Variants in PRDM5 observed in about 807,000 individuals in gnomAD.
PRDM5 encodes the protein PR domain zinc finger protein 5.
PRDM5 carries 56 observed loss-of-function variants against 81.2 expected under a neutral mutation model. The ratio of observed to expected loss-of-function variants is 0.69; its 90% CI spans 0.56 to 0.86. PRDM5 has a LOEUF of 0.86. Ranked by LOEUF, PRDM5 falls within the 40% of genes least tolerant of loss-of-function variation. The probability of loss-of-function intolerance (pLI) is 0.00; values close to 1 mark genes in which losing one functional copy is unlikely to be tolerated. For synonymous variants in PRDM5, 267 were observed against 256.4 expected (o/e 1.04, Z -0.39); for missense variants, 697 against 770.1 (o/e 0.91, Z 1.12).
chr4:120,821,759 C>T (rs1256905761), intron 3 of PRDM5, among the ~76,000 whole-genome samples: 1 of 151,286 alleles, frequency 6.6e-6, no homozygotes, highest in African/African-American at 2.4e-5. Context: ...AAAAAAAAGC[C>T]TTTCAAGTTC....
chr4:120,841,659 A>G (rs1188516278), intron 3 of PRDM5, among the ~76,000 whole-genome samples: 5 of 152,216 alleles, frequency 3.3e-5, no homozygotes, highest in African/African-American at 1.2e-4. Flanking sequence ...AACAAGTAGT[A>G]TATGTGCTTA....
At chr4:120,701,659 G>T (rs1042907133) in intron 15 of PRDM5, among the ~76,000 whole-genome samples, 2 of 152,086 alleles carry the variant, frequency 1.3e-5, no homozygotes, top group African/African-American at 4.8e-5. Context: ...AGCGACTGGG[G>T]ACTAGTAGAG....
intron 3 of PRDM5, among the ~76,000 whole-genome samples, chr4:120,847,684 C>G (rs939381732): frequency 6.6e-6 from 1 of 152,080 alleles, no homozygotes; most frequent in African/African-American, 2.4e-5. Context: ...TGTTACATAA[C>G]GATGGATAAC....
At chr4:120,863,191 TACACACACAC>T (rs370387683) in intron 2 of PRDM5, among the ~76,000 whole-genome samples, 9 of 70,320 alleles carry the variant, frequency 1.3e-4, no homozygotes, top group African/African-American at 4.1e-4. Flanking sequence ...TATATATATA[TACACACACAC>T]ACACACACAC....
rs772908675 is a variant in PRDM5 at position 120,777,322 on chromosome 4, G to T, written c.1444-41C>A. The T allele has an allele frequency of 3.1e-6, 5 of 1,612,226 alleles. No homozygotes were observed. The South Asian group carries it at 4.4e-5, about 14-fold the overall frequency. The stretch of plus-strand genomic sequence containing the variant: ...TAAAAAGGCTAAGGATAAATACAAA[G>T]AATTAGGTAAAGATGATTAAATGCC... On this transcript the variant is annotated intron_variant, in intron 12 of 15. Transcript: ENST00000264808.
At chr4:120,809,057 G>A (rs1257346774) in intron 8 of PRDM5, among the ~76,000 whole-genome samples, 1 of 152,248 alleles carries the variant, frequency 6.6e-6, no homozygotes, top group Non-Finnish European at 1.5e-5. Flanking sequence ...CATGGCCAGA[G>A]CGGGCGCCAA....
intron 3 of PRDM5, among the ~76,000 whole-genome samples, chr4:120,847,100 C>A (rs994420543): frequency 1.3e-5 from 2 of 152,066 alleles, no homozygotes; most frequent in African/African-American, 4.8e-5. Flanking sequence ...TCCATCCTTA[C>A]ATAAAGTATA....
intron 2 of PRDM5, among the ~76,000 whole-genome samples, chr4:120,875,257 GATT>G (rs1762228151): frequency 6.6e-6 from 1 of 152,202 alleles, no homozygotes; most frequent in Non-Finnish European, 1.5e-5. Context: ...CACAAATACA[GATT>G]AAAACAAAGA....
chr4:120,897,788 C>T, intron 2 of PRDM5, among the ~76,000 whole-genome samples: 1 of 152,134 alleles, frequency 6.6e-6, no homozygotes, highest in East Asian at 1.9e-4. Context: ...TATAAATTTG[C>T]CATTTATACA....
rs1285852993 is a variant in PRDM5 at position 120,821,355 on chromosome 4, A to AT, written c.301-11dup. 18 of 1,609,604 alleles carry AT rather than the reference A, an allele frequency of 1.1e-5. No individual in the cohort carries two copies. The East Asian group carries it at 3.6e-4, about 32-fold the overall frequency. ...AAATGTTTTCTCCTTCCTGAAACAA[A>AT]TTTTTTTAAATGCTGAACCATTCAT... is the stretch of plus-strand genomic sequence containing the variant. On this transcript the variant is annotated splice_polypyrimidine_tract_variant and intron_variant, in intron 3 of 15. Coordinates refer to ENST00000264808, the MANE Select transcript of PRDM5 (RefSeq NM_018699.4).
intron 14 of PRDM5, among the ~76,000 whole-genome samples, chr4:120,739,885 C>A (rs1010439585): frequency 6.6e-6 from 1 of 151,948 alleles, no homozygotes; most frequent in Non-Finnish European, 1.5e-5. Flanking sequence ...GAATAGAGGG[C>A]ACTCTGCCAA....
chr4:120,784,988 C>CGT lies in PRDM5; in HGVS notation c.1282+8_1282+9dup. On this transcript the variant is annotated intron_variant, in intron 11 of 15. Transcript: ENST00000264808. ...TCCTTATATTCTCAACTGCCTGAATCGTGACTTACTGTTATGTATTAGCAG... is the reference window on the plus strand; with the variant it reads ...TCCTTATATTCTCAACTGCCTGAATCGTGTGACTTACTGTTATGTATTAGCAG... 1 of 1,570,912 alleles carries CGT rather than the reference C, an allele frequency of 6.4e-7. No individual in the cohort carries two copies. Among genetic ancestry groups the CGT allele is most frequent in the Non-Finnish European group, 8.8e-7 (1 of 1,140,972 alleles).
chr4:120,904,206 C>CAAAA (rs1157460080), intron 2 of PRDM5, among the ~76,000 whole-genome samples: 11 of 108,216 alleles, frequency 1.0e-4, no homozygotes, highest in African/African-American at 2.2e-4. Flanking sequence ...AAAAAAAAAA[C>CAAAA]AAAAAAACCT....
At chr4:120,689,316 T>C (rs746091486), downstream of PRDM5, among the ~76,000 whole-genome samples, 1 of 152,156 alleles carries the variant, frequency 6.6e-6, no homozygotes, top group South Asian at 2.1e-4. Flanking sequence ...ACACCAGTTA[T>C]ACTGCAGCTG....
chr4:120,753,148 G>T (rs1052952723), intron 14 of PRDM5, among the ~76,000 whole-genome samples: 2 of 152,012 alleles, frequency 1.3e-5, no homozygotes, highest in Non-Finnish European at 2.9e-5. Context: ...AGGAACCAGG[G>T]CCCCTTTGCC....
At chr4:120,751,755 T>C (rs1216400386) in intron 14 of PRDM5, among the ~76,000 whole-genome samples, 1 of 152,218 alleles carries the variant, frequency 6.6e-6, no homozygotes. Flanking sequence ...CTGCACCCTA[T>C]AGGCAATAAC....
chr4:120,733,663 G>T (rs1367676160), intron 14 of PRDM5, among the ~76,000 whole-genome samples: 1 of 152,134 alleles, frequency 6.6e-6, no homozygotes, highest in Non-Finnish European at 1.5e-5. Flanking sequence ...GGTATGCAGA[G>T]AACTCCAGGT....
At chr4:120,869,979 A>T (rs1283715395) in intron 2 of PRDM5, among the ~76,000 whole-genome samples, 2 of 152,132 alleles carry the variant, frequency 1.3e-5, no homozygotes, top group African/African-American at 4.8e-5. Flanking sequence ...TCAAAAAAGA[A>T]CAAAGAAAAA....
rs1167854261 is a variant in PRDM5, at chr4:120,862,437, T to C, written c.178-8897A>G. Among the ~76,000 whole-genome samples the C allele has an allele frequency of 3.3e-5, 5 of 151,944 alleles. No individual in the cohort carries two copies. In the East Asian group the frequency reaches 9.7e-4, roughly 29 times the overall value. On this transcript the variant is annotated intron_variant, in intron 2 of 15. Transcript: ENST00000264808. Reference sequence around the variant, plus strand: ...TCCAAAATGAATTGGTACAGAAGGGTGTAAAGTAACATACAATGCCAAGTC... The same window carrying C: ...TCCAAAATGAATTGGTACAGAAGGGCGTAAAGTAACATACAATGCCAAGTC...
Sources: gnomAD v4.1 joint callset for allele counts (sites outside exome capture counted in the v4.1 genomes callset) on GRCh38, gnomAD v4.1.1 for gene constraint, MANE v1.5 for transcripts, NCBI Gene and HGNC (gene_info 2026-07-23, HGNC 2026-07-21) for gene names.